The following ACIN1 variants were observed in gnomAD, a reference collection of about 807,000 sequenced individuals.
The protein encoded by ACIN1 is apoptotic chromatin condensation inducer in the nucleus.
Under a neutral mutation model 146.6 loss-of-function variants are expected in ACIN1, and 16 were observed. The observed-to-expected ratio is 0.11, with a 90% CI of 0.07 to 0.17. ACIN1 has a LOEUF of 0.17. Among genes scored for constraint, ACIN1 ranks in the 10% least tolerant of loss-of-function variants. The probability of loss-of-function intolerance (pLI) is 1.00; values close to 1 mark genes in which losing one functional copy is unlikely to be tolerated. For synonymous variants in ACIN1, 569 were observed against 582.7 expected, an observed-to-expected ratio of 0.98 and a Z score of 0.34; for missense variants, 1,357 against 1,609.3, an observed-to-expected ratio of 0.84 and a Z score of 2.68.
At chr14:23,069,375 T>G in intron 9 of ACIN1, 101 bp downstream of exon 9, 2 of 1,491,162 alleles carry the variant, frequency 1.3e-6, no homozygotes, top group Non-Finnish European at 1.8e-6. Flanking sequence ...CATCCCTCCT[T>G]TAAGTTAACC....
intron 9 of ACIN1, among the ~76,000 whole-genome samples, chr14:23,066,668 G>A (rs2047466954): frequency 6.6e-6 from 1 of 152,204 alleles, no homozygotes; most frequent in Non-Finnish European, 1.5e-5. Context: ...GAACTCAAAG[G>A]TGTCTTTGAT....
chr14:23,063,373 C>A, intron 13 of ACIN1, 63 bp downstream of exon 13: 1 of 1,571,486 alleles, frequency 6.4e-7, no homozygotes, highest in Admixed American at 1.9e-5. Flanking sequence ...TTCAGCGATC[C>A]AAATGAGGTG....
Position 23,068,178 on chromosome 14 carries a change from G to A in ACIN1, c.2265+1298C>T. The A allele has an allele frequency of 1.0e-6, 1 of 985,910 alleles. No homozygotes were observed. The highest frequency in any genetic ancestry group is 4.7e-5 in the South Asian group (1 of 21,284). 61.1% of individuals were successfully genotyped at this position (985,910 alleles called of 1,614,324 possible). On this transcript the variant is annotated intron_variant, in intron 9 of 18. Transcript: ENST00000605057. The surrounding 1 kb of genome is among the most constrained non-coding windows in gnomAD (Gnocchi z 4.3). ...CCTAGACTCCTCTGCACGGTTCCTA[G>A]TCGTCACAGCTTAAGTAGAGGGTCC...
chr14:23,075,143 T>C (rs925621211), intron 8 of ACIN1, among the ~76,000 whole-genome samples: 3 of 152,088 alleles, frequency 2.0e-5, no homozygotes, highest in East Asian at 3.9e-4. Context: ...AAGGAACCAA[T>C]ACCTTCCTCC....
intron 8 of ACIN1, chr14:23,077,668 G>C (rs2047835637): frequency 6.5e-6 from 1 of 153,214 alleles, no homozygotes; most frequent in Admixed American, 6.5e-5. Flanking sequence ...TATGCTGTAA[G>C]AACTAGGATA....
rs904336283 is a variant in ACIN1, at chr14:23,090,080, T to C, written c.338A>G (p.Asp113Gly). Residue 113 changes from aspartate to glycine, a missense_variant, in exon 4 of 19, where the codon GAC becomes GGC. By Grantham distance (94) the Asp-to-Gly change is moderately conservative. Coordinates refer to ENST00000605057, the MANE Select transcript of ACIN1 (RefSeq NM_001386863.1). ...CACTCCCTCAGGATGGATCATCTCGTCCTCCGACTCAGCTGAAGCTTCTGC... is the reference window on the plus strand; with the variant it reads ...CACTCCCTCAGGATGGATCATCTCGCCCTCCGACTCAGCTGAAGCTTCTGC... The part of the protein sequence containing the change: ...ELEEASAESE[D>G]EMIHPEGVAS... 6.2e-7 allele frequency: 1 copy of C among 1,613,948 alleles called. No homozygotes were observed. The highest frequency in any genetic ancestry group is 8.5e-7 in the Non-Finnish European group (1 of 1,179,950).
intron 18 of ACIN1, 112 bp from the exon 19 acceptor site, chr14:23,059,586 AG>A: frequency 1.3e-6 from 1 of 786,340 alleles, no homozygotes; most frequent in Non-Finnish European, 2.2e-6. Flanking sequence ...TTAAACAGGA[AG>A]GGGTTGGGGG....
At chr14:23,070,484 C>T (rs1264187750) in intron 8 of ACIN1, among the ~76,000 whole-genome samples, 1 of 152,038 alleles carries the variant, frequency 6.6e-6, no homozygotes, top group Non-Finnish European at 1.5e-5. Flanking sequence ...GGCAGCTTCC[C>T]CCAAGAACAC....
intron 1 of ACIN1, chr14:23,094,770 C>T: frequency 7.3e-6 from 6 of 820,054 alleles, no homozygotes; most frequent in Non-Finnish European, 1.1e-5. Flanking sequence ...CATTTGGGCT[C>T]GCGCTGCTGC....
At chr14:23,075,184 A>C (rs1376591909) in intron 8 of ACIN1, among the ~76,000 whole-genome samples, 1 of 152,206 alleles carries the variant, frequency 6.6e-6, no homozygotes, top group Admixed American at 6.5e-5. Context: ...CATGCATTGT[A>C]CCAAGAGCCT....
At chr14:23,095,426 G>T (rs1391395416), upstream of ACIN1, 9 of 1,187,208 alleles carry the variant, frequency 7.6e-6, no homozygotes, top group South Asian at 1.6e-5. Flanking sequence ...CATAATCGGA[G>T]ATGTTCGTTT....
intron 8 of ACIN1, 143 bp from the exon 9 acceptor site, chr14:23,069,760 G>T: frequency 2.7e-6 from 2 of 728,978 alleles, no homozygotes; most frequent in Non-Finnish European, 4.4e-6. Context: ...TCTGATCAAG[G>T]TTAGAGACCT....
At chr14:23,095,182 G>C (rs940672824), upstream of ACIN1, 1 of 1,614,144 alleles carries the variant, frequency 6.2e-7, no homozygotes. Context: ...AACGCCCTTC[G>C]AACGTACCGA....
chr14:23,079,766 G>C lies in ACIN1; in HGVS notation c.1569C>G (p.Ser523=). ...TAGAACTGGAGGAGGAAGATGAGGA[G>C]GACCGGCTAGAGGATGAATCAGCTG... ...KQSADSSSSR[S]SSSSSSSSRS... Residue 523 remains serine (S), a synonymous_variant, in exon 6 of 19, where the codon TCC becomes TCG. Transcript: ENST00000605057. The C allele has an allele frequency of 6.2e-7, 1 of 1,614,182 alleles. No individual in the cohort carries two copies. Among genetic ancestry groups the C allele is most frequent in the East Asian group, 2.2e-5 (1 of 44,888 alleles).
rs2048207365 is a variant in ACIN1 at position 23,090,723 on chromosome 14, T to TA, written c.205-91dup. ...TTCCATGGAGCAAAGGTCCACTCCT[T>TA]ATAGTTGCGCCCAAGAAAGATAACT... On this transcript the variant is annotated intron_variant, in intron 2 of 18. Coordinates refer to ENST00000605057, the MANE Select transcript of ACIN1 (RefSeq NM_001386863.1). 24 of 929,848 alleles carry TA rather than the reference T, an allele frequency of 2.6e-5. 1 individual carries two copies. The South Asian group carries it at 4.0e-4, about 16-fold the overall frequency. The allele number at this position is 929,848 out of a possible 1,614,324, so 57.6% of individuals were successfully genotyped here.
chr14:23,059,356 C>G lies in ACIN1; in HGVS notation c.3644G>C (p.Arg1215Pro), dbSNP rs1440854610. 6.2e-7 allele frequency: 1 copy of G among 1,611,142 alleles called. No homozygotes were observed. Among genetic ancestry groups the G allele is most frequent in the Non-Finnish European group, 8.5e-7 (1 of 1,177,440 alleles). ...CCGACGTTTCTCTCGCTCCAGCTGT[C>G]GGTTCCGTTCCCGCTCGGCTTCCTT... ...REKEAERERN[R>P]QLEREKRREH... The change falls in exon 19 of 19, where the codon CGA becomes CCA. Residue 1215 changes from arginine to proline, a missense_variant. By Grantham distance (103) the Arg-to-Pro change is moderately radical (BLOSUM62 -2). Transcript: ENST00000605057.
rs150892575 is a variant in ACIN1, at chr14:23,079,956, A to T, written c.1379T>A (p.Leu460His). 326 of 1,613,990 alleles carry T rather than the reference A, an allele frequency of 2.0e-4. No homozygotes were observed. Among genetic ancestry groups the T allele is most frequent in the Non-Finnish European group, 2.0e-4 (237 of 1,180,040 alleles). The part of the protein sequence containing the change: ...TLADYSAQKD[L>H]EPESDRSAQP... The stretch of plus-strand genomic sequence containing the variant: ...AGCAGATCTGTCTGACTCAGGTTCA[A>T]GATCCTTCTGGGCTGAGTAGTCAGC... The change falls in exon 6 of 19, where the codon CTT becomes CAT. Residue 460 changes from leucine to histidine, a missense_variant. Leu to His is a moderately conservative substitution (Grantham distance 99). This residue lies in a region of ACIN1 where 771 missense variants were observed against 746.6 expected (regional missense o/e 1.03). Transcript: ENST00000605057.
chr14:23,071,085 C>A, intron 8 of ACIN1: 1 of 1,533,646 alleles, frequency 6.5e-7, no homozygotes, highest in Non-Finnish European at 8.8e-7. Context: ...GGAGCTAGGG[C>A]GGCGGGGAAA....
Position 23,062,183 on chromosome 14 carries a change from A to G in ACIN1, c.3084T>C (p.Tyr1028=). The G allele has an allele frequency of 6.2e-7, 1 of 1,613,946 alleles. No homozygotes were observed. Among genetic ancestry groups the G allele is most frequent in the South Asian group, 1.1e-5 (1 of 91,060 alleles). The part of the protein sequence containing the change: ...QSNPKFLCAD[Y]AEQDELDYHR... Reference sequence around the variant, plus strand: ...GGTTTCTTACCTCATCTTGCTCGGCATAGTCAGCACAAAGGAATTTGGGAT... The same window carrying G: ...GGTTTCTTACCTCATCTTGCTCGGCGTAGTCAGCACAAAGGAATTTGGGAT... Residue 1028 remains tyrosine (Y), a synonymous_variant, in exon 16 of 19, where the codon TAT becomes TAC. Coordinates refer to ENST00000605057, the MANE Select transcript of ACIN1 (RefSeq NM_001386863.1).
Sources: allele counts gnomAD v4.1 joint callset (sites outside exome capture counted in the v4.1 genomes callset), GRCh38; gene constraint gnomAD v4.1.1; regional missense constraint gnomAD v4.1.1; non-coding constraint Gnocchi (gnomAD v3.1); transcripts MANE v1.5; gene names NCBI Gene and HGNC (gene_info 2026-07-23, HGNC 2026-07-21).